The following PARD3 variants were observed in gnomAD, a reference collection of about 807,000 sequenced individuals.
PARD3 encodes the protein par-3 family cell polarity regulator, also known as partitioning defective 3 homolog.
In PARD3, 75 loss-of-function variants were observed where a neutral mutation model predicts 155.4. That is an observed-to-expected ratio of 0.48 (90% CI 0.40 to 0.58). The LOEUF (loss-of-function observed/expected upper bound fraction) is 0.58. Ranked by LOEUF, PARD3 falls within the 20% of genes least tolerant of loss-of-function variation. The pLI, the probability that PARD3 is intolerant of heterozygous loss-of-function variation, is 0.00. For synonymous variants in PARD3, 576 were observed against 610.5 expected, an observed-to-expected ratio of 0.94 and a Z score of 0.83; for missense variants, 1,642 against 1,721.7, an observed-to-expected ratio of 0.95 and a Z score of 0.82.
intron 7 of PARD3, among the ~76,000 whole-genome samples, chr10:34,384,874 G>A (rs1262680807): frequency 6.6e-6 from 1 of 152,156 alleles, no homozygotes; most frequent in Non-Finnish European, 1.5e-5. Flanking sequence ...AAAAACAAAT[G>A]ACCCAACAGA....
At chr10:34,500,875 G>A (rs892449489) in intron 3 of PARD3, among the ~76,000 whole-genome samples, 1 of 152,130 alleles carries the variant, frequency 6.6e-6, no homozygotes, top group Non-Finnish European at 1.5e-5. Context: ...GAGTACCAGT[G>A]AAAGAATGAA....
chr10:34,774,236 G>A (rs1839258120), intron 1 of PARD3, among the ~76,000 whole-genome samples: 1 of 152,172 alleles, frequency 6.6e-6, no homozygotes, highest in Admixed American at 6.5e-5. Context: ...TAAAAACACA[G>A]CACTACATCC....
intron 21 of PARD3, among the ~76,000 whole-genome samples, chr10:34,280,705 G>T (rs1471259423): frequency 6.6e-6 from 1 of 152,066 alleles, no homozygotes; most frequent in Non-Finnish European, 1.5e-5. Flanking sequence ...AGGAGTCAAC[G>T]GTCTTTACTT....
chr10:34,583,445 AT>A (rs964205176), intron 2 of PARD3, among the ~76,000 whole-genome samples: 171 of 151,552 alleles, frequency 1.1e-3, no homozygotes, highest in African/African-American at 3.7e-3. Context: ...TGTCTTTTTG[AT>A]TTTTTTTTAA....
chr10:34,588,510 T>C (rs2088320092), intron 2 of PARD3, among the ~76,000 whole-genome samples: 1 of 152,216 alleles, frequency 6.6e-6, no homozygotes, highest in African/African-American at 2.4e-5. Context: ...CCCACCTGTA[T>C]AGGTCAAAAC....
At chr10:34,416,974 T>G (rs192659821) in intron 5 of PARD3, among the ~76,000 whole-genome samples, 168 of 152,324 alleles carry the variant, frequency 1.1e-3, no homozygotes, top group African/African-American at 3.7e-3. Context: ...CAGTTTAACC[T>G]TACAGCAAGG....
rs74640389 is a variant in PARD3, at chr10:34,615,559, T to C, written c.222+80759A>G. Among the ~76,000 whole-genome samples, 436 of 152,282 alleles carry C rather than the reference T, an allele frequency of 2.9e-3. 1 individual carries two copies. The highest frequency in any genetic ancestry group is 0.01 in the African/African-American group (421 of 41,570). On this transcript the variant is annotated intron_variant, in intron 2 of 24. Coordinates refer to ENST00000374788, the MANE Select transcript of PARD3 (RefSeq NM_001184785.2). ...CCGACATTGGTCTGGGCAAAGATTT[T>C]ATGGCTGAGAACTCATGCAACAAAA... is the stretch of plus-strand genomic sequence containing the variant.
At position 34,284,354 on chromosome 10, in the gene PARD3, G is replaced by A. The variant is rs1259871081; in HGVS notation, c.3066-109C>T. ...AATGAATGTTAGCTTCTTCAAAACAGGGATCAGGTGTCTTCTGCAGTCAGT... is the reference window on the plus strand; with the variant it reads ...AATGAATGTTAGCTTCTTCAAAACAAGGATCAGGTGTCTTCTGCAGTCAGT... On this transcript the variant is annotated intron_variant, in intron 20 of 24. Transcript: ENST00000374788. The A allele has an allele frequency of 4.8e-6, 3 of 627,578 alleles. No individual in the cohort carries two copies. The African/African-American group carries it at 5.7e-5, about 12-fold the overall frequency. 38.9% of individuals were successfully genotyped at this position (627,578 alleles called of 1,614,324 possible). A position where few individuals can be genotyped will look rare whatever the true frequency, so the allele number is the denominator to read the frequency against.
intron 22 of PARD3, among the ~76,000 whole-genome samples, chr10:34,171,264 A>T (rs529387553): frequency 6.6e-6 from 1 of 152,316 alleles, no homozygotes; most frequent in South Asian, 2.1e-4. Context: ...CATCAGCTCA[A>T]ACTGAAACGC....
intron 2 of PARD3, among the ~76,000 whole-genome samples, chr10:34,676,845 G>A (rs1281810571): frequency 6.6e-6 from 1 of 152,132 alleles, no homozygotes; most frequent in East Asian, 1.9e-4. Context: ...TTTCGAAAGG[G>A]AAGAGAAAAG....
chr10:34,436,373 G>C (rs534200697), intron 5 of PARD3, among the ~76,000 whole-genome samples: 18 of 152,314 alleles, frequency 1.2e-4, no homozygotes, highest in Admixed American at 4.6e-4. Context: ...CTGCTTTAGA[G>C]AATGTGTAAA....
intron 2 of PARD3, among the ~76,000 whole-genome samples, chr10:34,608,695 C>T (rs916360377): frequency 1.3e-5 from 2 of 151,812 alleles, no homozygotes; most frequent in Admixed American, 6.6e-5. Context: ...CCACCACGCT[C>T]GCCTAATTTT....
intron 22 of PARD3, among the ~76,000 whole-genome samples, chr10:34,217,323 C>T (rs1171950623): frequency 1.3e-5 from 2 of 152,118 alleles, no homozygotes; most frequent in African/African-American, 2.4e-5. Context: ...ATACTGCTCA[C>T]AGCTTTGGTG....
At chr10:34,522,998 T>C (rs2082245956) in intron 2 of PARD3, among the ~76,000 whole-genome samples, 1 of 152,228 alleles carries the variant, frequency 6.6e-6, no homozygotes, top group Admixed American at 6.5e-5. Flanking sequence ...TAGGATTCTG[T>C]TCGTTTTTGA....
At chr10:34,308,058 T>C (rs1022630607) in intron 20 of PARD3, among the ~76,000 whole-genome samples, 1 of 152,172 alleles carries the variant, frequency 6.6e-6, no homozygotes, top group Non-Finnish European at 1.5e-5. Context: ...GAGAAAAGGC[T>C]ATTCCAGGTA....
chr10:34,235,281 A>T (rs1375211369), intron 22 of PARD3, among the ~76,000 whole-genome samples: 2 of 152,206 alleles, frequency 1.3e-5, no homozygotes, highest in African/African-American at 4.8e-5. Context: ...CTGGAACTAT[A>T]AAAGCTAATG....
At chr10:34,581,342 C>A (rs558107756) in intron 2 of PARD3, among the ~76,000 whole-genome samples, 1 of 140,720 alleles carries the variant, frequency 7.1e-6, no homozygotes, top group Non-Finnish European at 1.5e-5. Context: ...TCAAATGATT[C>A]TCCTTCCTCA....
intron 1 of PARD3, among the ~76,000 whole-genome samples, chr10:34,792,743 T>C (rs1841817470): frequency 6.6e-6 from 1 of 152,206 alleles, no homozygotes; most frequent in South Asian, 2.1e-4. Context: ...CTCCAGGCAC[T>C]GCTCATGCCT....
At chr10:34,695,101 C>T (rs569556411) in intron 2 of PARD3, among the ~76,000 whole-genome samples, 5 of 152,286 alleles carry the variant, frequency 3.3e-5, no homozygotes, top group South Asian at 2.1e-4. Flanking sequence ...TCGACCAGGC[C>T]GCTGCCTCCA....
Sources: allele counts gnomAD v4.1 joint callset (sites outside exome capture counted in the v4.1 genomes callset), GRCh38; gene constraint gnomAD v4.1.1; transcripts MANE v1.5; gene names NCBI Gene and HGNC (gene_info 2026-07-23, HGNC 2026-07-21).